The following TRAPPC9 variants were observed in gnomAD, a reference collection of about 807,000 sequenced individuals.
TRAPPC9 encodes the protein trafficking protein particle complex subunit 9.
A neutral mutation model predicts 124.0 loss-of-function variants in TRAPPC9; 83 were observed. The observed-to-expected ratio is 0.67, with a 90% confidence interval of 0.56 to 0.80. The LOEUF is 0.80. TRAPPC9 is among the 30% of genes least tolerant of loss of function. The pLI is 0.00. For synonymous variants in TRAPPC9, 638 were observed against 617.5 expected, an observed-to-expected ratio of 1.03 and a Z score of -0.49; for missense variants, 1,302 against 1,508.3, an observed-to-expected ratio of 0.86 and a Z score of 2.27.
intron 13 of TRAPPC9, among the ~76,000 whole-genome samples, chr8:140,285,839 T>C (rs943029311): frequency 6.6e-5 from 10 of 151,828 alleles, no homozygotes; most frequent in African/African-American, 2.4e-4. Flanking sequence ...GCCACTCCAC[T>C]CCGTATTCCC....
intron 17 of TRAPPC9, among the ~76,000 whole-genome samples, chr8:140,031,185 C>T (rs919789940): frequency 4.6e-5 from 7 of 152,100 alleles, no homozygotes; most frequent in African/African-American, 9.7e-5. Flanking sequence ...TTAAGAATCC[C>T]GGGTTCTGCA....
intron 17 of TRAPPC9, among the ~76,000 whole-genome samples, chr8:140,124,787 G>A (rs1283673566): frequency 6.6e-6 from 1 of 152,180 alleles, no homozygotes; most frequent in African/African-American, 2.4e-5. Flanking sequence ...CCCACAGGGA[G>A]GGCAGCATAT....
chr8:139,894,347 C>T (rs1413899100), intron 20 of TRAPPC9, among the ~76,000 whole-genome samples: 1 of 152,290 alleles, frequency 6.6e-6, no homozygotes, highest in East Asian at 1.9e-4. Context: ...CACTGGTCAC[C>T]GCGCACGACT....
chr8:139,927,723 C>T (rs1274062199), intron 19 of TRAPPC9, among the ~76,000 whole-genome samples: 4 of 152,142 alleles, frequency 2.6e-5, no homozygotes, highest in African/African-American at 7.2e-5. Flanking sequence ...CATCAACAGG[C>T]GAATGCATAC....
intron 15 of TRAPPC9, among the ~76,000 whole-genome samples, chr8:140,274,409 T>C (rs1194632278): frequency 6.6e-6 from 1 of 152,102 alleles, no homozygotes; most frequent in Non-Finnish European, 1.5e-5. Flanking sequence ...CATAAATCAC[T>C]AGAGGACAAG....
intron 17 of TRAPPC9, among the ~76,000 whole-genome samples, chr8:140,056,281 G>A (rs1842285457): frequency 6.6e-6 from 1 of 151,840 alleles, no homozygotes; most frequent in South Asian, 2.1e-4. Context: ...GTAGTGGTGT[G>A]CACCTGTAGT....
In TRAPPC9 at chr8:140,241,159, G is replaced by A. The variant is rs1233210264; in HGVS notation, c.2431+11618C>T. Among the ~76,000 whole-genome samples, 1 of 152,200 alleles carries A rather than the reference G, an allele frequency of 6.6e-6. No homozygotes were observed. Among genetic ancestry groups the A allele is most frequent in the Non-Finnish European group, 1.5e-5 (1 of 68,042 alleles). On this transcript the variant is annotated intron_variant, in intron 16 of 22. Transcript: ENST00000438773. The surrounding 1 kb of genome is among the most constrained non-coding windows in gnomAD (Gnocchi z 5.0). ...CACACCTGTAATTCCAGCACTTTAG[G>A]AGGCCGAGGCAGGCAGATCACCTGA... is the stretch of plus-strand genomic sequence containing the variant.
At chr8:140,152,560 G>C (rs2061563833) in intron 17 of TRAPPC9, among the ~76,000 whole-genome samples, 1 of 151,492 alleles carries the variant, frequency 6.6e-6, no homozygotes, top group South Asian at 2.1e-4. Flanking sequence ...AGTAGAGACG[G>C]GGTTTCACCA....
intron 17 of TRAPPC9, among the ~76,000 whole-genome samples, chr8:140,174,782 G>T (rs535633397): frequency 6.6e-6 from 1 of 152,234 alleles, no homozygotes; most frequent in East Asian, 1.9e-4. Context: ...TAATTCTATT[G>T]CATTAATCTA....
At chr8:139,792,863 A>C (rs1481112443) in intron 21 of TRAPPC9, among the ~76,000 whole-genome samples, 1 of 152,226 alleles carries the variant, frequency 6.6e-6, no homozygotes, top group Non-Finnish European at 1.5e-5. Context: ...AGTTGGAAAA[A>C]ACATCATTCA....
intron 21 of TRAPPC9, among the ~76,000 whole-genome samples, chr8:139,812,066 T>C (rs1242306850): frequency 6.6e-6 from 1 of 152,192 alleles, no homozygotes; most frequent in African/African-American, 2.4e-5. Flanking sequence ...ATGAGAACGC[T>C]GGAGAGATAT....
chr8:139,735,449 T>C (rs1381837898), intron 21 of TRAPPC9, among the ~76,000 whole-genome samples: 6 of 152,056 alleles, frequency 3.9e-5, no homozygotes, highest in Non-Finnish European at 7.4e-5. Flanking sequence ...CCAGCCCTTC[T>C]CCCTCCTCTA....
At chr8:140,192,143 C>T (rs991112697) in intron 17 of TRAPPC9, among the ~76,000 whole-genome samples, 1 of 152,120 alleles carries the variant, frequency 6.6e-6, no homozygotes, top group African/African-American at 2.4e-5. Context: ...TCTAATCAAC[C>T]CCAGGCTTCA....
At chr8:139,864,403 G>A (rs1828385409) in intron 21 of TRAPPC9, among the ~76,000 whole-genome samples, 1 of 152,212 alleles carries the variant, frequency 6.6e-6, no homozygotes, top group African/African-American at 2.4e-5. Flanking sequence ...AGGAAACAAT[G>A]GAAAACTGTA....
chr8:140,445,798 C>T (rs2132670945), intron 2 of TRAPPC9, among the ~76,000 whole-genome samples: 1 of 152,332 alleles, frequency 6.6e-6, no homozygotes, highest in East Asian at 1.9e-4. Flanking sequence ...TGGACCAGAG[C>T]ACTGAGGAAG....
intron 5 of TRAPPC9, among the ~76,000 whole-genome samples, chr8:140,418,723 A>AAGAT (rs530951569): frequency 0.093 from 13,154 of 141,192 alleles, 733 homozygotes; most frequent in African/African-American, 0.14. Context: ...CCATCTCAAA[A>AAGAT]AGATAGATAG....
intron 17 of TRAPPC9, among the ~76,000 whole-genome samples, chr8:140,113,121 T>C (rs565001161): frequency 1.7e-4 from 26 of 152,340 alleles, no homozygotes; most frequent in African/African-American, 6.0e-4. Context: ...TCTAGTATTA[T>C]GTGGGGAGCA....
intron 16 of TRAPPC9, among the ~76,000 whole-genome samples, chr8:140,248,555 A>G (rs2064042911): frequency 6.6e-6 from 1 of 152,190 alleles, no homozygotes; most frequent in Non-Finnish European, 1.5e-5. Context: ...TACTCTGGTA[A>G]CTGGTTTTGC....
chr8:140,111,372 C>T (rs1307996474), intron 17 of TRAPPC9, among the ~76,000 whole-genome samples: 1 of 152,162 alleles, frequency 6.6e-6, no homozygotes, highest in Non-Finnish European at 1.5e-5. Context: ...GGCCTCAACA[C>T]CTTGGCCGCC....
Sources: gnomAD v4.1 joint callset for allele counts (sites outside exome capture counted in the v4.1 genomes callset) on GRCh38, gnomAD v4.1.1 for gene constraint, Gnocchi (gnomAD v3.1) non-coding constraint, MANE v1.5 for transcripts, NCBI Gene and HGNC (gene_info 2026-07-23, HGNC 2026-07-21) for gene names.